Variants in SORCS2 observed in about 807,000 individuals in gnomAD.
SORCS2 encodes sortilin related VPS10 domain containing receptor 2.
Under a neutral mutation model 141.6 loss-of-function variants are expected in SORCS2, and 100 were observed. The ratio of observed to expected loss-of-function variants is 0.71; its 90% CI spans 0.60 to 0.83. The LOEUF (loss-of-function observed/expected upper bound fraction) is 0.83. Among genes scored for constraint, SORCS2 ranks in the 40% least tolerant of loss-of-function variants. The pLI, the probability that SORCS2 is intolerant of heterozygous loss-of-function variation, is 0.00. For missense variants in SORCS2, 1,646 were observed against 1,560.2 expected (o/e 1.05, Z -0.93); for synonymous variants, 789 against 676.9 (o/e 1.17, Z -2.57).
chr4:7,509,550 C>A (rs4689771), intron 2 of SORCS2, among the ~76,000 whole-genome samples: 4 of 152,152 alleles, frequency 2.6e-5, no homozygotes, highest in African/African-American at 9.6e-5. Flanking sequence ...GAGGACTCTG[C>A]GGTCGACGCT....
intron 10 of SORCS2, 35 bp from the exon 11 acceptor site, chr4:7,689,451 T>C (rs759188528): frequency 6.5e-7 from 1 of 1,549,998 alleles, no homozygotes; most frequent in Non-Finnish European, 8.7e-7. Context: ...CTCCTACTCA[T>C]GTGTTGACAG....
chr4:7,554,247 G>A (rs1188010099), intron 3 of SORCS2, among the ~76,000 whole-genome samples: 1 of 152,212 alleles, frequency 6.6e-6, no homozygotes, highest in African/African-American at 2.4e-5. Flanking sequence ...GAGTCTGGCA[G>A]GATGCACTCC....
intron 2 of SORCS2, among the ~76,000 whole-genome samples, chr4:7,478,187 G>A (rs1371071196): frequency 6.6e-6 from 1 of 152,184 alleles, no homozygotes; most frequent in African/African-American, 2.4e-5. Context: ...AAAAAGGCCG[G>A]GCGTGTAGGG....
Position 7,209,259 on chromosome 4 carries a change from C to T in SORCS2, c.480+16133C>T, listed in dbSNP as rs570241559. ...TCCTTCAGCGCCCGAGAGCACGCCC[C>T]GCCCCCGTCTGTGAGGACTTGCTGC... On this transcript the variant is annotated intron_variant, in intron 1 of 26. Coordinates refer to ENST00000507866, the MANE Select transcript of SORCS2 (RefSeq NM_020777.3). Among the ~76,000 whole-genome samples, 11 of 152,340 alleles carry T rather than the reference C, an allele frequency of 7.2e-5. No individual in the cohort carries two copies. In the South Asian group the frequency reaches 8.3e-4, roughly 11 times the overall value.
intron 3 of SORCS2, among the ~76,000 whole-genome samples, chr4:7,539,639 G>T (rs1056636767): frequency 2.0e-5 from 3 of 146,888 alleles, no homozygotes; most frequent in African/African-American, 7.4e-5. Context: ...CTGAACCCCT[G>T]CCTTCAGCCC....
chr4:7,493,893 A>G (rs1336038892), intron 2 of SORCS2, among the ~76,000 whole-genome samples: 5 of 152,256 alleles, frequency 3.3e-5, no homozygotes, highest in Admixed American at 3.3e-4. Context: ...CCCTCGAAAT[A>G]AACCAGGAAG....
At chr4:7,329,691 A>C (rs1361953152) in intron 1 of SORCS2, among the ~76,000 whole-genome samples, 1 of 152,186 alleles carries the variant, frequency 6.6e-6, no homozygotes, top group Non-Finnish European at 1.5e-5. Flanking sequence ...AGACAGCACA[A>C]ATGTACAGAC....
chr4:7,724,327 AGGGTG>A, intron 19 of SORCS2, among the ~76,000 whole-genome samples: 1 of 67,266 alleles, frequency 1.5e-5, no homozygotes, highest in East Asian at 6.5e-4. Context: ...TGGTGGTGAT[AGGGTG>A]ATGGTGATGA....
At chr4:7,606,412 C>G (rs1476133733) in intron 3 of SORCS2, among the ~76,000 whole-genome samples, 1 of 152,148 alleles carries the variant, frequency 6.6e-6, no homozygotes, top group Non-Finnish European at 1.5e-5. Flanking sequence ...ACTGTTGAAA[C>G]AGTTACACAG....
intron 2 of SORCS2, among the ~76,000 whole-genome samples, chr4:7,439,660 T>C (rs550845013): frequency 6.6e-6 from 1 of 152,294 alleles, no homozygotes; most frequent in Admixed American, 6.5e-5. Context: ...AGGGAAAGGA[T>C]GTCCTCCGTC....
rs899134113 is a variant in SORCS2, at chr4:7,663,090, GTGAA to G, written c.953-1259_953-1256del. On this transcript the variant is annotated intron_variant, in intron 6 of 26. Transcript: ENST00000507866. The surrounding 1 kb of genome is among the most constrained non-coding windows in gnomAD (Gnocchi z 4.8). ...AGTGGGTGAATGAGTGAGTGAGTGA[GTGAA>G]TGAGTAAGTGAATGAGAGAATGAGT... Among the ~76,000 whole-genome samples, 3 of 152,106 alleles carry G rather than the reference GTGAA, an allele frequency of 2.0e-5. No individual in the cohort carries two copies. The highest frequency in any genetic ancestry group is 7.2e-5 in the African/African-American group (3 of 41,408).
At chr4:7,238,925 C>G (rs1407069969) in intron 1 of SORCS2, among the ~76,000 whole-genome samples, 1 of 152,224 alleles carries the variant, frequency 6.6e-6, no homozygotes, top group Admixed American at 6.5e-5. Flanking sequence ...CCCCTGTGCC[C>G]TCGCTGCAGC....
intron 3 of SORCS2, among the ~76,000 whole-genome samples, chr4:7,537,203 T>G (rs1333878439): frequency 1.3e-5 from 2 of 152,192 alleles, no homozygotes; most frequent in East Asian, 1.9e-4. Context: ...AGATCCCATT[T>G]CCTCTCTGGG....
chr4:7,601,640 A>AAAAAAAAAT (rs1717679705), intron 3 of SORCS2, among the ~76,000 whole-genome samples: 1 of 144,634 alleles, frequency 6.9e-6, no homozygotes. Flanking sequence ...AAAAAAAAAA[A>AAAAAAAAAT]GTTTAACATA....
At chr4:7,351,538 C>T (rs1720936178) in intron 1 of SORCS2, among the ~76,000 whole-genome samples, 1 of 152,216 alleles carries the variant, frequency 6.6e-6, no homozygotes, top group Non-Finnish European at 1.5e-5. Flanking sequence ...TTCTGGACAA[C>T]AGTTCTCTGG....
At chr4:7,316,204 A>G (rs914120424) in intron 1 of SORCS2, among the ~76,000 whole-genome samples, 1 of 145,004 alleles carries the variant, frequency 6.9e-6, no homozygotes, top group African/African-American at 2.5e-5. Context: ...CCATCCAGCT[A>G]GCTTTCCTTC....
At chr4:7,631,685 G>A (rs778194680) in intron 3 of SORCS2, among the ~76,000 whole-genome samples, 8 of 152,050 alleles carry the variant, frequency 5.3e-5, no homozygotes, top group South Asian at 2.1e-4. Flanking sequence ...CTCCTATCCC[G>A]GGGGGTCCAC....
At chr4:7,338,439 G>GATGGATGGATGGATGGATGA (rs1183252306) in intron 1 of SORCS2, among the ~76,000 whole-genome samples, 10 of 152,052 alleles carry the variant, frequency 6.6e-5, no homozygotes, top group Admixed American at 6.5e-4. Flanking sequence ...TGGATGGATG[G>GATGGATGGATGGATGGATGA]ATGGATGAAT....
chr4:7,684,633 TAGAA>T (rs1723759217), intron 10 of SORCS2, among the ~76,000 whole-genome samples: 1 of 152,090 alleles, frequency 6.6e-6, no homozygotes, highest in Non-Finnish European at 1.5e-5. Context: ...ATGTGTAAAA[TAGAA>T]AGAACAAAAG....
Sources: gnomAD v4.1 joint callset for allele counts (sites outside exome capture counted in the v4.1 genomes callset) on GRCh38, gnomAD v4.1.1 for gene constraint, Gnocchi (gnomAD v3.1) non-coding constraint, MANE v1.5 for transcripts, NCBI Gene and HGNC (gene_info 2026-07-23, HGNC 2026-07-21) for gene names.